Variants in VAMP4 observed in about 807,000 individuals in gnomAD.
VAMP4 encodes the protein vesicle-associated membrane protein 4.
Under a neutral mutation model 23.5 loss-of-function variants are expected in VAMP4, and 19 were observed. The ratio of observed to expected loss-of-function variants is 0.81; its 90% CI spans 0.56 to 1.19. The LOEUF (loss-of-function observed/expected upper bound fraction) is 1.19. Ranked by LOEUF, VAMP4 falls within the 50% of genes most tolerant of loss-of-function variation. The pLI is 0.00. For missense variants in VAMP4, 145 were observed against 168.6 expected, an observed-to-expected ratio of 0.86 and a Z score of 0.78; for synonymous variants, 31 against 51.0, an observed-to-expected ratio of 0.61 and a Z score of 1.67.
Position 171,703,423 on chromosome 1 carries a change from G to GCA in VAMP4, c.*1082_*1083insTG, listed in dbSNP as rs1654526062. The GCA allele has an allele frequency of 1.2e-5, 1 of 81,948 alleles. No homozygotes were observed. 5.1% of individuals were successfully genotyped at this position (81,948 alleles called of 1,614,324 possible). ...TGTGTGTGTGTGTGTGTGTGTTTGT[G>GCA]TGTATATATATATATATATATATAT... On this transcript the variant is annotated 3_prime_UTR_variant, in exon 8 of 8. Transcript: ENST00000236192.
chr1:171,710,918 T>C (rs1654829165), intron 4 of VAMP4, 104 bp from the exon 5 acceptor site: 1 of 777,950 alleles, frequency 1.3e-6, no homozygotes, highest in Non-Finnish European at 2.0e-6. Flanking sequence ...TCTCAGAGAA[T>C]TATTCAACTA....
At chr1:171,715,415 T>C (rs1350827507) in intron 4 of VAMP4, among the ~76,000 whole-genome samples, 1 of 152,200 alleles carries the variant, frequency 6.6e-6, no homozygotes. Flanking sequence ...ACAGAGAAGC[T>C]GTATGGTATA....
At chr1:171,710,559 A>G (rs1316632156) in intron 5 of VAMP4, among the ~76,000 whole-genome samples, 155 bp downstream of exon 5, 1 of 152,122 alleles carries the variant, frequency 6.6e-6, no homozygotes, top group Non-Finnish European at 1.5e-5. Context: ...AAGATGACTC[A>G]AAGTAAAGGA....
intron 2 of VAMP4, among the ~76,000 whole-genome samples, chr1:171,734,603 G>A (rs1003573473): frequency 7.9e-5 from 12 of 152,236 alleles, no homozygotes; most frequent in East Asian, 7.7e-4. Flanking sequence ...TGTATGGTAC[G>A]TGACTTTTAT....
chr1:171,705,417 G>A (rs1290083236), intron 7 of VAMP4, among the ~76,000 whole-genome samples: 1 of 152,138 alleles, frequency 6.6e-6, no homozygotes, highest in Non-Finnish European at 1.5e-5. Context: ...TGCAGAAAAT[G>A]TGGTACTAAA....
chr1:171,726,182 G>A (rs1312263708), intron 3 of VAMP4, among the ~76,000 whole-genome samples: 7 of 152,010 alleles, frequency 4.6e-5, no homozygotes, highest in Non-Finnish European at 2.9e-5. Flanking sequence ...CTCCCAAGTA[G>A]CTGGGTCTAT....
intron 4 of VAMP4, among the ~76,000 whole-genome samples, chr1:171,715,326 G>A (rs1654993793): frequency 6.6e-6 from 1 of 152,166 alleles, no homozygotes; most frequent in Non-Finnish European, 1.5e-5. Context: ...ATGAGGAAAA[G>A]ACATTTCCAA....
Position 171,704,477 on chromosome 1 carries a change from C to G in VAMP4, c.*29G>C. 6.4e-7 allele frequency: 1 copy of G among 1,558,846 alleles called. No individual in the cohort carries two copies. The highest frequency in any genetic ancestry group is 1.2e-5 in the South Asian group (1 of 83,610). On this transcript the variant is annotated 3_prime_UTR_variant, in exon 8 of 8. Transcript: ENST00000236192. The stretch of plus-strand genomic sequence containing the variant: ...GCAATCTTTTATTACTGTCCCAGAT[C>G]TTGTTTAATGAAGATCTCTGTCATC...
In VAMP4 at chr1:171,703,734, G is replaced by C. The variant is rs1205614339; in HGVS notation, c.*772C>G. The C allele has an allele frequency of 6.6e-6, 1 of 151,922 alleles. No homozygotes were observed. Among genetic ancestry groups the C allele is most frequent in the Non-Finnish European group, 1.5e-5 (1 of 67,754 alleles). The allele number at this position is 151,922 out of a possible 1,614,324, so 9.4% of individuals were successfully genotyped here. A position where few individuals can be genotyped will look rare whatever the true frequency, so the allele number is the denominator to read the frequency against. ...AGGACTGACTGGTCTCTCTTTATTG[G>C]AGTTTAACAGAAAACAGACTGGACC... On this transcript the variant is annotated 3_prime_UTR_variant, in exon 8 of 8. Transcript: ENST00000236192.
At chr1:171,735,804 T>C (rs993114480) in intron 2 of VAMP4, among the ~76,000 whole-genome samples, 1 of 152,212 alleles carries the variant, frequency 6.6e-6, no homozygotes, top group Non-Finnish European at 1.5e-5. Flanking sequence ...AGGTTCACAA[T>C]TGGTATCATT....
chr1:171,742,033 G>GGCCGCAGC lies in VAMP4; in HGVS notation c.-181_-174dup, dbSNP rs1558118309. 2 of 152,144 alleles carry GGCCGCAGC rather than the reference G, an allele frequency of 1.3e-5. No homozygotes were observed. The highest frequency in any genetic ancestry group is 6.5e-5 in the Admixed American group (1 of 15,280). The allele number at this position is 152,144 out of a possible 1,614,324, so 9.4% of individuals were successfully genotyped here. The stretch of plus-strand genomic sequence containing the variant: ...AGACAGTTGGTGCGGACCCGGCGTC[G>GGCCGCAGC]GCCGCAGCGCCGCAGCAGCGCCTCC... On this transcript the variant is annotated 5_prime_UTR_variant, in exon 1 of 8. An upstream open reading frame in the 5' UTR loses its in-frame stop. Coordinates refer to ENST00000236192, the MANE Select transcript of VAMP4 (RefSeq NM_003762.5).
intron 1 of VAMP4, among the ~76,000 whole-genome samples, chr1:171,739,851 T>C (rs1486457002): frequency 6.6e-6 from 1 of 152,232 alleles, no homozygotes; most frequent in South Asian, 2.1e-4. Context: ...CATCCTGTTA[T>C]ATGCTAATAT....
At chr1:171,730,052 G>C (rs1655514169) in intron 2 of VAMP4, among the ~76,000 whole-genome samples, 1 of 152,142 alleles carries the variant, frequency 6.6e-6, no homozygotes, top group African/African-American at 2.4e-5. Flanking sequence ...ACAGCCTCTA[G>C]GAGCTAGGAA....
At chr1:171,716,903 A>C (rs1264735463) in intron 4 of VAMP4, among the ~76,000 whole-genome samples, 1 of 152,232 alleles carries the variant, frequency 6.6e-6, no homozygotes, top group East Asian at 1.9e-4. Context: ...TAAATCCAGC[A>C]AGCTTTCAGC....
intron 3 of VAMP4, among the ~76,000 whole-genome samples, chr1:171,720,520 A>C (rs1655157650): frequency 6.6e-6 from 1 of 151,094 alleles, no homozygotes; most frequent in African/African-American, 2.4e-5. Flanking sequence ...GAAGGCATAA[A>C]TTAGTAACAG....
intron 6 of VAMP4, among the ~76,000 whole-genome samples, chr1:171,707,691 T>C (rs1333945712): frequency 6.6e-6 from 1 of 152,192 alleles, no homozygotes; most frequent in Non-Finnish European, 1.5e-5. Context: ...TGTTACATTA[T>C]GGAACAATGA....
At chr1:171,716,429 T>C (rs1655023504) in intron 4 of VAMP4, among the ~76,000 whole-genome samples, 1 of 152,244 alleles carries the variant, frequency 6.6e-6, no homozygotes, top group African/African-American at 2.4e-5. Context: ...TCATAATTTA[T>C]GTTTGAACAA....
At chr1:171,710,597 A>G (rs1654818946) in intron 5 of VAMP4, 117 bp downstream of exon 5, 9 of 684,592 alleles carry the variant, frequency 1.3e-5, no homozygotes, top group South Asian at 1.1e-4. Flanking sequence ...AAAATCATAT[A>G]CTTAAGAACC....
chr1:171,738,247 C>A, intron 2 of VAMP4, 102 bp downstream of exon 2: 2 of 1,332,178 alleles, frequency 1.5e-6, no homozygotes, highest in Admixed American at 2.1e-5. Context: ...CGATTGCAGG[C>A]ATGAGCAACC....
Sources: allele counts gnomAD v4.1 joint callset (sites outside exome capture counted in the v4.1 genomes callset), GRCh38; gene constraint gnomAD v4.1.1; transcripts MANE v1.5; gene names NCBI Gene and HGNC (gene_info 2026-07-23, HGNC 2026-07-21).